CSMD1: variants seen among roughly 807,000 people sequenced by gnomAD.
CSMD1 encodes CUB and sushi domain-containing protein 1.
In CSMD1, 213 loss-of-function variants were observed where a neutral mutation model predicts 417.5. The ratio of observed to expected loss-of-function variants is 0.51; its 90% confidence interval spans 0.46 to 0.57. The LOEUF (loss-of-function observed/expected upper bound fraction) is 0.57, where lower values mean the gene tolerates loss of function less well. Ranked by LOEUF, CSMD1 falls within the 20% of genes least tolerant of loss-of-function variation. The pLI, the probability that CSMD1 is intolerant of heterozygous loss-of-function variation, is 0.00. For synonymous variants in CSMD1, 2,862 were observed against 1,736.8 expected (o/e 1.65, Z -16.11); for missense variants, 6,923 against 4,529.7 (o/e 1.53, Z -15.17).
At chr8:3,747,533 T>C (rs757138597) in intron 6 of CSMD1, among the ~76,000 whole-genome samples, 22 of 151,830 alleles carry the variant, frequency 1.4e-4, no homozygotes, top group Non-Finnish European at 2.5e-4. Flanking sequence ...TATGTGAGAG[T>C]CATCCATGTC....
intron 18 of CSMD1, chr8:3,375,300 G>C (rs549434296): frequency 3.3e-5 from 5 of 152,184 alleles, no homozygotes; most frequent in Non-Finnish European, 7.3e-5. Context: ...GGTTATTTTT[G>C]TCTTATCAAT....
Position 3,387,638 on chromosome 8 carries a change from C to G in CSMD1, c.2638G>C (p.Val880Leu). The G allele has an allele frequency of 2.5e-6, 4 of 1,601,074 alleles. No individual in the cohort carries two copies. The highest frequency in any genetic ancestry group is 3.4e-6 in the Non-Finnish European group (4 of 1,173,664). ...SDSCLDPGIP[V>L]NGHRHGGDFG... is the part of the protein sequence containing the mutation. Reference sequence around the variant, plus strand: ...TCTCCACCGTGGCGATGGCCGTTCACAGGGATGCCCGGGTCCAGGCAGGAA... The same window carrying G: ...TCTCCACCGTGGCGATGGCCGTTCAGAGGGATGCCCGGGTCCAGGCAGGAA... The change falls in exon 18 of 70, where the codon GTG becomes CTG. Residue 880 changes from valine (V) to leucine (L), a missense_variant. By Grantham distance (32) the Val-to-Leu change is conservative (BLOSUM62 1). Transcript: ENST00000635120.
intron 2 of CSMD1, among the ~76,000 whole-genome samples, chr8:4,480,297 C>G (rs1327789880): frequency 6.6e-6 from 1 of 152,034 alleles, no homozygotes; most frequent in East Asian, 1.9e-4. Flanking sequence ...TGAATTTGCA[C>G]AAATCACTTA....
intron 3 of CSMD1, among the ~76,000 whole-genome samples, chr8:4,166,617 T>C (rs1291662968): frequency 1.3e-5 from 2 of 152,036 alleles, no homozygotes; most frequent in Non-Finnish European, 2.9e-5. Flanking sequence ...AACTGTAGGA[T>C]GGGAGCAGGG....
chr8:4,803,881 C>A (rs926140258), intron 1 of CSMD1, among the ~76,000 whole-genome samples: 1 of 152,050 alleles, frequency 6.6e-6, no homozygotes, highest in East Asian at 1.9e-4. Context: ...TAATGAGAGC[C>A]AAGTGTTAAC....
chr8:3,732,766 T>G (rs1193225481), intron 6 of CSMD1, among the ~76,000 whole-genome samples: 2 of 152,192 alleles, frequency 1.3e-5, no homozygotes, highest in East Asian at 3.9e-4. Context: ...GCTTAATTAC[T>G]AAGCTGAAAC....
chr8:4,630,208 G>A (rs1802427361), intron 2 of CSMD1, among the ~76,000 whole-genome samples: 1 of 151,376 alleles, frequency 6.6e-6, no homozygotes, highest in Non-Finnish European at 1.5e-5. Flanking sequence ...TTTTATCACA[G>A]AATTTCTAAT....
chr8:3,300,041 T>C (rs1327587164), intron 25 of CSMD1, among the ~76,000 whole-genome samples: 1 of 151,932 alleles, frequency 6.6e-6, no homozygotes, highest in African/African-American at 2.4e-5. Flanking sequence ...CTTACAACAG[T>C]GAAAAAATTA....
At chr8:4,896,804 G>T (rs532890603) in intron 1 of CSMD1, among the ~76,000 whole-genome samples, 1 of 151,986 alleles carries the variant, frequency 6.6e-6, no homozygotes, top group African/African-American at 2.4e-5. Flanking sequence ...GGTAGGGCGG[G>T]GGGAAGTGCA....
At chr8:3,630,856 G>C (rs912333151) in intron 7 of CSMD1, among the ~76,000 whole-genome samples, 32 of 152,170 alleles carry the variant, frequency 2.1e-4, no homozygotes, top group Non-Finnish European at 2.9e-4. Context: ...GCAACCAAGA[G>C]GAAACCTCAG....
intron 3 of CSMD1, among the ~76,000 whole-genome samples, chr8:4,398,135 G>C (rs1464193563): frequency 6.6e-6 from 1 of 152,094 alleles, no homozygotes; most frequent in East Asian, 1.9e-4. Context: ...CTGGCAAAGT[G>C]TTTAGAGCAG....
intron 10 of CSMD1, among the ~76,000 whole-genome samples, chr8:3,509,339 C>A (rs1796966213): frequency 6.6e-6 from 1 of 152,200 alleles, no homozygotes; most frequent in South Asian, 2.1e-4. Context: ...TTTACGTTCA[C>A]TGTTTCTTTA....
At chr8:4,839,076 C>G (rs1289253192) in intron 1 of CSMD1, among the ~76,000 whole-genome samples, 1 of 152,078 alleles carries the variant, frequency 6.6e-6, no homozygotes, top group Non-Finnish European at 1.5e-5. Flanking sequence ...TATTTCTGAC[C>G]TGGTATTTTA....
At chr8:4,977,776 T>G (rs1405432526) in intron 1 of CSMD1, among the ~76,000 whole-genome samples, 1 of 152,216 alleles carries the variant, frequency 6.6e-6, no homozygotes, top group African/African-American at 2.4e-5. Context: ...ATGAATGCAT[T>G]GAAAGTGAAA....
chr8:4,262,829 C>G (rs999414021), intron 3 of CSMD1, among the ~76,000 whole-genome samples: 16 of 152,128 alleles, frequency 1.1e-4, no homozygotes, highest in African/African-American at 3.9e-4. Context: ...ATTTTCTAAG[C>G]CTTGGCTTTA....
At chr8:4,154,057 G>T (rs1472102263) in intron 3 of CSMD1, among the ~76,000 whole-genome samples, 6 of 152,152 alleles carry the variant, frequency 3.9e-5, no homozygotes, top group Non-Finnish European at 8.8e-5. Context: ...TTTTCCTAAG[G>T]AGGTAATAAA....
chr8:4,819,265 C>A (rs1799383680), intron 1 of CSMD1, among the ~76,000 whole-genome samples: 1 of 152,056 alleles, frequency 6.6e-6, no homozygotes, highest in Non-Finnish European at 1.5e-5. Context: ...TTAACAAAAA[C>A]AAAACCTCAT....
chr8:4,180,021 G>A (rs545412119), intron 3 of CSMD1, among the ~76,000 whole-genome samples: 3 of 152,142 alleles, frequency 2.0e-5, no homozygotes, highest in Admixed American at 6.5e-5. Context: ...TCAGTGTGGC[G>A]ATTCCTCAAG....
intron 12 of CSMD1, among the ~76,000 whole-genome samples, chr8:3,448,965 A>G (rs1294510286): frequency 1.3e-5 from 2 of 152,230 alleles, no homozygotes; most frequent in African/African-American, 4.8e-5. Context: ...GTGACAGCCA[A>G]TCGCAATGGA....
Sources: allele counts gnomAD v4.1 joint callset (sites outside exome capture counted in the v4.1 genomes callset), GRCh38; gene constraint gnomAD v4.1.1; transcripts MANE v1.5; gene names NCBI Gene and HGNC (gene_info 2026-07-23, HGNC 2026-07-21).